HDAC9: variants seen among roughly 807,000 people sequenced by gnomAD.
The protein encoded by HDAC9 is MEF-2 interacting transcription repressor (MITR) protein.
In HDAC9, 41 loss-of-function variants were observed where a neutral mutation model predicts 139.4. That is an observed-to-expected ratio of 0.29 (90% confidence interval 0.23 to 0.38). The LOEUF is 0.38. Ranked by LOEUF, HDAC9 falls within the 10% of genes least tolerant of loss-of-function variation. The probability of loss-of-function intolerance (pLI) is 1.00; values close to 1 mark genes in which losing one functional copy is unlikely to be tolerated. For synonymous variants in HDAC9, 517 were observed against 476.2 expected (o/e 1.09, Z -1.12); for missense variants, 1,147 against 1,297.0 (o/e 0.88, Z 1.78).
chr7:18,301,550 ACTAT>A (rs749308762), intron 1 of HDAC9, among the ~76,000 whole-genome samples: 11 of 152,122 alleles, frequency 7.2e-5, no homozygotes, highest in Non-Finnish European at 1.3e-4. Context: ...CTTTCTTATT[ACTAT>A]CTAAGTATTT....
rs201219679 is a variant in HDAC9 at position 18,644,632 on chromosome 7, A to T, written c.913-39A>T. 22 of 1,561,508 alleles carry T rather than the reference A, an allele frequency of 1.4e-5. No homozygotes were observed. The South Asian group carries it at 2.1e-4, about 15-fold the overall frequency. On this transcript the variant is annotated intron_variant, in intron 8 of 25. Transcript: ENST00000686413. ...AGAACATTTTACAGTAAAATTTGTG[A>T]TACTGTGGTATTTTGAGACTCTCCT...
rs185999478 is a variant in HDAC9, at chr7:18,106,474, A to G, written c.-97+19261A>G. Among the ~76,000 whole-genome samples, 82 of 150,590 alleles carry G rather than the reference A, an allele frequency of 5.4e-4. 1 individual carries two copies. In the East Asian group the frequency reaches 0.015, roughly 28 times the overall value. On this transcript the variant is annotated intron_variant, in intron 1 of 12. Transcript: ENST00000417496. ...GCACACATTTCTTTTTTTTTTTGAG[A>G]TGGAGTCCCACTCTGTCTCCCAGGC...
intron 1 of HDAC9, among the ~76,000 whole-genome samples, chr7:18,308,423 G>A (rs1799074664): frequency 6.6e-6 from 1 of 152,036 alleles, no homozygotes; most frequent in African/African-American, 2.4e-5. Flanking sequence ...TTTAAGCTTT[G>A]GGCACTTCAT....
chr7:18,274,162 G>A (rs922366093), intron 2 of HDAC9, among the ~76,000 whole-genome samples: 1 of 152,132 alleles, frequency 6.6e-6, no homozygotes. Context: ...TAAAAAAATA[G>A]AATCAAAGTG....
chr7:18,510,193 T>C (rs1432126280), intron 2 of HDAC9, among the ~76,000 whole-genome samples: 1 of 152,190 alleles, frequency 6.6e-6, no homozygotes, highest in African/African-American at 2.4e-5. Context: ...ACAATGTGTG[T>C]ATGACCCTTT....
intron 2 of HDAC9, among the ~76,000 whole-genome samples, chr7:18,174,205 C>T (rs1189527695): frequency 6.6e-6 from 1 of 152,168 alleles, no homozygotes; most frequent in African/African-American, 2.4e-5. Flanking sequence ...ATTTGATCTT[C>T]AATCACTGAT....
intron 22 of HDAC9, among the ~76,000 whole-genome samples, chr7:18,884,109 G>A (rs1799943343): frequency 6.6e-6 from 1 of 152,102 alleles, no homozygotes; most frequent in Admixed American, 6.6e-5. Context: ...CATTGTTAAA[G>A]TTTACATAGT....
At chr7:18,588,007 G>T (rs533811026) in intron 3 of HDAC9, among the ~76,000 whole-genome samples, 1 of 152,220 alleles carries the variant, frequency 6.6e-6, no homozygotes, top group African/African-American at 2.4e-5. Flanking sequence ...TGCTACCATG[G>T]AATATTATTT....
chr7:18,376,304 G>T (rs751037756), intron 1 of HDAC9, among the ~76,000 whole-genome samples: 42 of 152,260 alleles, frequency 2.8e-4, no homozygotes, highest in Non-Finnish European at 5.4e-4. Flanking sequence ...TTCTAAATAA[G>T]ATTTGAAATG....
chr7:18,219,966 C>T (rs758233889), intron 2 of HDAC9, among the ~76,000 whole-genome samples: 2 of 152,108 alleles, frequency 1.3e-5, no homozygotes, highest in Non-Finnish European at 2.9e-5. Flanking sequence ...GTTTTCTCAC[C>T]TATACAAAAG....
chr7:18,195,074 G>C (rs1194683227), intron 2 of HDAC9, among the ~76,000 whole-genome samples: 2 of 151,960 alleles, frequency 1.3e-5, no homozygotes, highest in African/African-American at 2.4e-5. Context: ...GGTCACAAAC[G>C]CTGTCAATAA....
chr7:18,143,610 A>C (rs903582548), intron 1 of HDAC9, among the ~76,000 whole-genome samples: 2 of 151,922 alleles, frequency 1.3e-5, no homozygotes, highest in Non-Finnish European at 1.5e-5. Flanking sequence ...ACATGGTGAA[A>C]CCTCGTATCT....
intron 13 of HDAC9, among the ~76,000 whole-genome samples, chr7:18,745,498 A>C (rs949312089): frequency 3.9e-5 from 6 of 152,034 alleles, no homozygotes; most frequent in African/African-American, 1.4e-4. Flanking sequence ...AATAGTGAAA[A>C]AGTTAAGCAA....
In HDAC9 at chr7:18,944,621, T is replaced by C. The variant is rs559935934; in HGVS notation, c.2937+8679T>C. ...CACAAATGTACAACTCAATGAAATA[T>C]CACAGAGATCACATATGTAATGATC... On this transcript the variant is annotated intron_variant, in intron 23 of 25. Coordinates refer to ENST00000686413, the MANE Select transcript of HDAC9 (RefSeq NM_178425.4). Among the ~76,000 whole-genome samples, 3 of 152,254 alleles carry C rather than the reference T, an allele frequency of 2.0e-5. No homozygotes were observed. The South Asian group carries it at 6.2e-4, about 32-fold the overall frequency.
intron 2 of HDAC9, among the ~76,000 whole-genome samples, chr7:18,202,299 CTTTTTTT>C (rs1791190792): frequency 6.6e-6 from 1 of 152,110 alleles, no homozygotes; most frequent in Non-Finnish European, 1.5e-5. Context: ...ATGTTTATCT[CTTTTTTT>C]AAATCTTCTA....
chr7:18,702,699 G>T (rs1050701140), intron 12 of HDAC9, among the ~76,000 whole-genome samples: 3 of 152,154 alleles, frequency 2.0e-5, no homozygotes, highest in Non-Finnish European at 4.4e-5. Context: ...AATCTGCATA[G>T]TAACAAACCT....
chr7:18,565,503 C>T lies in HDAC9; in HGVS notation c.23-19778C>T, dbSNP rs558784052. ...CTGTGTTTACCATTGTTAGTTGGGC[C>T]AGCATATGTCCAAAACAGTTGGAAT... On this transcript the variant is annotated intron_variant, in intron 2 of 25. Coordinates refer to ENST00000686413, the MANE Select transcript of HDAC9 (RefSeq NM_178425.4). Among the ~76,000 whole-genome samples, 3 of 152,144 alleles carry T rather than the reference C, an allele frequency of 2.0e-5. No individual in the cohort carries two copies. In the South Asian group the frequency reaches 6.2e-4, roughly 32 times the overall value.
chr7:18,693,037 A>G (rs928788522), intron 12 of HDAC9, among the ~76,000 whole-genome samples: 2 of 152,054 alleles, frequency 1.3e-5, no homozygotes, highest in African/African-American at 4.8e-5. Flanking sequence ...TAACATAAAA[A>G]CTAATTGTGC....
At chr7:18,812,074 G>A (rs561997529) in intron 17 of HDAC9, among the ~76,000 whole-genome samples, 33 of 151,782 alleles carry the variant, frequency 2.2e-4, no homozygotes, top group African/African-American at 7.0e-4. Context: ...CAGGTAAATC[G>A]TTGTTATGCT....
Sources: allele counts gnomAD v4.1 joint callset (sites outside exome capture counted in the v4.1 genomes callset), GRCh38; gene constraint gnomAD v4.1.1; transcripts MANE v1.5; gene names NCBI Gene and HGNC (gene_info 2026-07-23, HGNC 2026-07-21).